The following RAPGEF6 variants were observed in gnomAD, a reference collection of about 807,000 sequenced individuals.
RAPGEF6 encodes PDZ domain containing guanine nucleotide exchange factor (GEF) 2.
In RAPGEF6, 56 loss-of-function variants were observed where a neutral mutation model predicts 171.4. That is an observed-to-expected ratio of 0.33 (90% CI 0.26 to 0.41). RAPGEF6 has a LOEUF of 0.41. Among genes scored for constraint, RAPGEF6 ranks in the 10% least tolerant of loss-of-function variants. The probability of loss-of-function intolerance (pLI) is 1.00; values close to 1 mark genes in which losing one functional copy is unlikely to be tolerated. For missense variants in RAPGEF6, 1,674 were observed against 1,921.4 expected, an observed-to-expected ratio of 0.87 and a Z score of 2.41; for synonymous variants, 692 against 650.1, an observed-to-expected ratio of 1.06 and a Z score of -0.98.
At chr5:131,519,307 T>C (rs4705890) in intron 7 of RAPGEF6, among the ~76,000 whole-genome samples, 96,434 of 152,140 alleles carry the variant, frequency 0.63, 32,464 homozygotes, top group Non-Finnish European at 0.77. Flanking sequence ...CAATAAAGCA[T>C]TGGTCTTTCC....
At chr5:131,484,149 A>G (rs1755701926) in intron 15 of RAPGEF6, among the ~76,000 whole-genome samples, 1 of 150,996 alleles carries the variant, frequency 6.6e-6, no homozygotes, top group Non-Finnish European at 1.5e-5. Context: ...CACACAAAAA[A>G]GGTGCTCAAC....
chr5:131,520,822 C>T (rs1268895126), intron 7 of RAPGEF6, among the ~76,000 whole-genome samples: 2 of 152,152 alleles, frequency 1.3e-5, no homozygotes, highest in Admixed American at 1.3e-4. Context: ...AGGATTCTCT[C>T]AGTTTATGGG....
intron 1 of RAPGEF6, among the ~76,000 whole-genome samples, chr5:131,627,260 C>G (rs751606843): frequency 6.6e-5 from 10 of 152,096 alleles, no homozygotes; most frequent in Non-Finnish European, 1.5e-4. Flanking sequence ...ATATATGAAG[C>G]TGAAGCACAT....
At chr5:131,572,442 T>C (rs11242081) in intron 4 of RAPGEF6, among the ~76,000 whole-genome samples, 118,750 of 152,058 alleles carry the variant, frequency 0.78, 46,714 homozygotes, top group African/African-American at 0.84. Context: ...ACACTTTATC[T>C]GAGCATTTAA....
chr5:131,460,547 T>C (rs1291419511), intron 19 of RAPGEF6, among the ~76,000 whole-genome samples: 1 of 152,242 alleles, frequency 6.6e-6, no homozygotes, highest in Non-Finnish European at 1.5e-5. Flanking sequence ...CAAGTGTTTA[T>C]CAGTGGCATC....
At chr5:131,453,452 A>C (rs1007867622) in intron 20 of RAPGEF6, among the ~76,000 whole-genome samples, 2 of 152,144 alleles carry the variant, frequency 1.3e-5, no homozygotes, top group African/African-American at 4.8e-5. Flanking sequence ...GGCTCGGGGC[A>C]CAATGGCTCC....
chr5:131,463,828 C>A, intron 18 of RAPGEF6: 1 of 1,214,208 alleles, frequency 8.2e-7, no homozygotes, highest in South Asian at 3.3e-5. Context: ...TTGTATCATT[C>A]AGCTTCCTCT....
chr5:131,475,895 G>C (rs1755056584), intron 16 of RAPGEF6, among the ~76,000 whole-genome samples: 1 of 152,222 alleles, frequency 6.6e-6, no homozygotes. Flanking sequence ...GCTAAAGGCA[G>C]AGAACAAGTT....
chr5:131,470,921 T>C (rs1754693965), intron 17 of RAPGEF6, among the ~76,000 whole-genome samples: 1 of 152,142 alleles, frequency 6.6e-6, no homozygotes. Flanking sequence ...GGGGAGAGAA[T>C]GACAGAACAA....
At chr5:131,530,137 T>C (rs1237438723) in intron 6 of RAPGEF6, among the ~76,000 whole-genome samples, 1 of 147,382 alleles carries the variant, frequency 6.8e-6, no homozygotes. Context: ...ACCACATCTC[T>C]TAAGAAAAAA....
At chr5:131,562,746 C>T (rs1761682463) in intron 4 of RAPGEF6, among the ~76,000 whole-genome samples, 1 of 152,072 alleles carries the variant, frequency 6.6e-6, no homozygotes, top group Non-Finnish European at 1.5e-5. Flanking sequence ...TAAAACAAGT[C>T]TATATATGCT....
At chr5:131,513,109 G>A (rs1475495652) in intron 7 of RAPGEF6, among the ~76,000 whole-genome samples, 4 of 152,144 alleles carry the variant, frequency 2.6e-5, no homozygotes, top group Non-Finnish European at 5.9e-5. Flanking sequence ...TTTAAACGGA[G>A]TATATTTCTG....
chr5:131,601,372 C>T (rs1161748081), intron 3 of RAPGEF6, among the ~76,000 whole-genome samples: 1 of 138,856 alleles, frequency 7.2e-6, no homozygotes. Context: ...GTGACAAGAG[C>T]GAGACTCCGT....
intron 4 of RAPGEF6, among the ~76,000 whole-genome samples, chr5:131,572,356 C>T (rs182288578): frequency 6.6e-6 from 1 of 152,266 alleles, no homozygotes; most frequent in Non-Finnish European, 1.5e-5. Context: ...CTCTACCTAA[C>T]CTCTCTCGCC....
chr5:131,486,855 G>A (rs913311266), intron 15 of RAPGEF6, among the ~76,000 whole-genome samples: 1 of 151,570 alleles, frequency 6.6e-6, no homozygotes, highest in Admixed American at 6.6e-5. Flanking sequence ...TCTGTGCAGC[G>A]TCCTAGAAAT....
chr5:131,582,912 T>C (rs970855967), intron 4 of RAPGEF6, among the ~76,000 whole-genome samples: 4 of 152,202 alleles, frequency 2.6e-5, no homozygotes, highest in African/African-American at 9.6e-5. Flanking sequence ...ATCGACCATA[T>C]AACTTATTGC....
intron 1 of RAPGEF6, among the ~76,000 whole-genome samples, chr5:131,630,334 CA>C (rs1766224164): frequency 6.6e-6 from 1 of 152,162 alleles, no homozygotes; most frequent in Non-Finnish European, 1.5e-5. Context: ...ATAAGGCTAT[CA>C]CACACAATAA....
At chr5:131,628,118 C>T (rs1311939698) in intron 1 of RAPGEF6, among the ~76,000 whole-genome samples, 1 of 152,122 alleles carries the variant, frequency 6.6e-6, no homozygotes, top group Non-Finnish European at 1.5e-5. Flanking sequence ...TGAAAAGAGT[C>T]ACCTATCTCT....
In RAPGEF6 at chr5:131,616,110, A is replaced by G. The variant is rs182631949; in HGVS notation, c.70-11417T>C. ...TGGGTTCTACCTAGGGGCGAAAAAA[A>G]AAGAAGAAGAAGGTGAGGAAGTGGT... is the stretch of plus-strand genomic sequence containing the variant. On this transcript the variant is annotated intron_variant, in intron 1 of 27. Transcript: ENST00000509018. Among the ~76,000 whole-genome samples the G allele has an allele frequency of 2.0e-5, 3 of 152,252 alleles. No individual in the cohort carries two copies. In the East Asian group the frequency reaches 5.8e-4, roughly 29 times the overall value.
Sources: allele counts gnomAD v4.1 joint callset (sites outside exome capture counted in the v4.1 genomes callset), GRCh38; gene constraint gnomAD v4.1.1; transcripts MANE v1.5; gene names NCBI Gene and HGNC (gene_info 2026-07-23, HGNC 2026-07-21).